The following SLC25A21 variants were observed in gnomAD, a reference collection of about 807,000 sequenced individuals.
SLC25A21 encodes solute carrier family 25 member 21, also known as mitochondrial 2-oxodicarboxylate carrier.
In SLC25A21, 47 loss-of-function variants were observed where a neutral mutation model predicts 43.8. The observed-to-expected ratio is 1.07, with a 90% CI of 0.85 to 1.37. The LOEUF is 1.37. Ranked by LOEUF, SLC25A21 falls within the 40% of genes most tolerant of loss-of-function variation. SLC25A21 has a pLI of 0.00. For missense variants in SLC25A21, 352 were observed against 350.2 expected (o/e 1.00, Z -0.04); for synonymous variants, 131 against 121.3 (o/e 1.08, Z -0.52).
At chr14:36,707,452 A>G (rs867839365) in intron 7 of SLC25A21, among the ~76,000 whole-genome samples, 30 of 152,038 alleles carry the variant, frequency 2.0e-4, no homozygotes, top group Admixed American at 6.6e-4. Flanking sequence ...TTGACCCCAC[A>G]TTTTACGCAC....
At chr14:37,109,616 ATGT>A (rs1200963187) in intron 1 of SLC25A21, among the ~76,000 whole-genome samples, 6 of 152,190 alleles carry the variant, frequency 3.9e-5, no homozygotes, top group Non-Finnish European at 8.8e-5. Context: ...TTAATGAATG[ATGT>A]TGTGCAGTCA....
chr14:36,678,528 A>G lies in SLC25A21; in HGVS notation c.*2130T>C, dbSNP rs1175868581. ...ATAAACTGAATGGAACAAAGATCCAATCCAATATTTTGGTGGAGACTTCTT... is the reference window on the plus strand; with the variant it reads ...ATAAACTGAATGGAACAAAGATCCAGTCCAATATTTTGGTGGAGACTTCTT... On this transcript the variant is annotated 3_prime_UTR_variant, in exon 10 of 10. Coordinates refer to ENST00000331299, the MANE Select transcript of SLC25A21 (RefSeq NM_030631.4). 1.4e-5 allele frequency: 21 copies of G among 1,536,794 alleles called. No individual in the cohort carries two copies. The highest frequency in any genetic ancestry group is 1.8e-5 in the Non-Finnish European group (21 of 1,146,744).
chr14:36,860,503 G>A (rs1306275932), intron 2 of SLC25A21, among the ~76,000 whole-genome samples: 1 of 152,062 alleles, frequency 6.6e-6, no homozygotes, highest in Non-Finnish European at 1.5e-5. Flanking sequence ...TTTAGTGGGT[G>A]TGTCTTCCCA....
chr14:37,171,745 T>C (rs1220223515), intron 1 of SLC25A21: 1 of 152,672 alleles, frequency 6.5e-6, no homozygotes, highest in African/African-American at 2.4e-5. Context: ...AAGGTGTTTA[T>C]GTGTGTTACA....
chr14:36,897,567 C>G (rs990878717), intron 1 of SLC25A21, among the ~76,000 whole-genome samples: 1 of 152,158 alleles, frequency 6.6e-6, no homozygotes, highest in Non-Finnish European at 1.5e-5. Context: ...AGCTTTGTTC[C>G]GTTGCTGGTG....
At chr14:37,120,676 C>T (rs1056566728) in intron 1 of SLC25A21, among the ~76,000 whole-genome samples, 5 of 152,006 alleles carry the variant, frequency 3.3e-5, no homozygotes, top group African/African-American at 7.3e-5. Flanking sequence ...GCTTAGTTAC[C>T]GGGCATGTCA....
rs1164392553 is a variant in SLC25A21, at chr14:36,980,163, C to G, written c.71-105159G>C. On this transcript the variant is annotated intron_variant, in intron 1 of 9. Transcript: ENST00000331299. ...TTTGTGGGTAACCCGACCTTTCTCT[C>G]TGGCTGCCCTTAACATCTTTTCCTT... Among the ~76,000 whole-genome samples the G allele has an allele frequency of 3.9e-5, 6 of 152,358 alleles. No homozygotes were observed. In the South Asian group the frequency reaches 1.0e-3, roughly 26 times the overall value.
At chr14:37,063,226 G>A (rs1162593715) in intron 1 of SLC25A21, among the ~76,000 whole-genome samples, 2 of 152,216 alleles carry the variant, frequency 1.3e-5, no homozygotes, top group East Asian at 3.9e-4. Context: ...GGGTCCAGGT[G>A]AGGTGGCTCA....
Position 36,966,377 on chromosome 14 carries a change from G to C in SLC25A21, c.71-91373C>G, listed in dbSNP as rs961476416. Reference sequence around the variant, plus strand: ...CTCCATGCAATGTGAAGGCAAATTAGAGGAAATTCTTGAGGTGATCAGTGG... The same window carrying C: ...CTCCATGCAATGTGAAGGCAAATTACAGGAAATTCTTGAGGTGATCAGTGG... On this transcript the variant is annotated intron_variant, in intron 1 of 9. Transcript: ENST00000331299. Among the ~76,000 whole-genome samples the C allele has an allele frequency of 4.6e-5, 7 of 152,312 alleles. No individual in the cohort carries two copies. The East Asian group carries it at 1.4e-3, about 29-fold the overall frequency.
chr14:37,076,488 T>A (rs1389594216), intron 1 of SLC25A21, among the ~76,000 whole-genome samples: 3 of 147,980 alleles, frequency 2.0e-5, no homozygotes, highest in African/African-American at 7.5e-5. Flanking sequence ...GACTTTATTT[T>A]ATTTTTGTTT....
chr14:36,988,401 TTGAG>T (rs1026397748), intron 1 of SLC25A21, among the ~76,000 whole-genome samples: 1 of 152,072 alleles, frequency 6.6e-6, no homozygotes, highest in Non-Finnish European at 1.5e-5. Flanking sequence ...GACTGGCGAG[TTGAG>T]ATATTAAACG....
chr14:36,684,860 G>C lies in SLC25A21; in HGVS notation c.669C>G (p.Val223=). 1 of 1,614,046 alleles carries C rather than the reference G, an allele frequency of 6.2e-7. No individual in the cohort carries two copies. Among genetic ancestry groups the C allele is most frequent in the Non-Finnish European group, 8.5e-7 (1 of 1,179,974 alleles). ...IGLLSGTIAS[V]INIPFDVAKS... ...TGGCAACATCAAAAGGGATGTTAAT[G>C]ACTGAGGCTATTGTCCCCGAGAGAA... The change falls in exon 8 of 10, where the codon GTC becomes GTG. Residue 223 remains valine, a synonymous_variant. Transcript: ENST00000331299.
chr14:36,943,109 A>G (rs2138651879), intron 1 of SLC25A21, among the ~76,000 whole-genome samples: 1 of 152,310 alleles, frequency 6.6e-6, no homozygotes, highest in Middle Eastern at 3.4e-3. Context: ...AGTGAACTCT[A>G]TAGTCTTCCC....
intron 1 of SLC25A21, among the ~76,000 whole-genome samples, chr14:36,948,345 T>A (rs1177671456): frequency 6.6e-6 from 1 of 152,214 alleles, no homozygotes; most frequent in Non-Finnish European, 1.5e-5. Flanking sequence ...TGGTAGCGCA[T>A]ACAAGTGGAT....
chr14:36,864,622 T>G (rs1890160901), intron 2 of SLC25A21, among the ~76,000 whole-genome samples: 1 of 152,224 alleles, frequency 6.6e-6, no homozygotes, highest in African/African-American at 2.4e-5. Flanking sequence ...CACAATATAT[T>G]TGGGGATCCT....
intron 1 of SLC25A21, among the ~76,000 whole-genome samples, chr14:37,071,659 A>C (rs894629053): frequency 3.9e-5 from 6 of 152,252 alleles, no homozygotes; most frequent in African/African-American, 1.4e-4. Context: ...GTTATAGTCT[A>C]GATCCAGAGA....
At chr14:37,033,761 G>A (rs1345863088) in intron 1 of SLC25A21, among the ~76,000 whole-genome samples, 2 of 152,174 alleles carry the variant, frequency 1.3e-5, no homozygotes, top group East Asian at 3.8e-4. Flanking sequence ...TGACTGGGAA[G>A]AGGGTACGTG....
intron 1 of SLC25A21, among the ~76,000 whole-genome samples, chr14:36,901,615 A>T (rs1475884881): frequency 1.3e-5 from 2 of 152,096 alleles, no homozygotes; most frequent in Non-Finnish European, 2.9e-5. Flanking sequence ...TAAAAATATT[A>T]TTTTTTATTT....
intron 1 of SLC25A21, among the ~76,000 whole-genome samples, chr14:37,170,568 A>G (rs988649148): frequency 5.3e-5 from 8 of 152,142 alleles, no homozygotes; most frequent in African/African-American, 1.9e-4. Flanking sequence ...TTGACCAAAA[A>G]TGGTAAATAA....
Sources: allele counts gnomAD v4.1 joint callset (sites outside exome capture counted in the v4.1 genomes callset), GRCh38; gene constraint gnomAD v4.1.1; transcripts MANE v1.5; gene names NCBI Gene and HGNC (gene_info 2026-07-23, HGNC 2026-07-21).